The following STMN4 variants were observed in gnomAD, a reference collection of about 807,000 sequenced individuals.
STMN4 encodes the protein stathmin-4.
STMN4 carries 12 observed loss-of-function variants against 29.1 expected under a neutral mutation model. That is an observed-to-expected ratio of 0.41 (90% CI 0.26 to 0.67). STMN4 has a LOEUF of 0.67. STMN4 is among the 30% of genes least tolerant of loss of function. STMN4 has a pLI of 0.30. For missense variants in STMN4, 181 were observed against 262.8 expected, an observed-to-expected ratio of 0.69 and a Z score of 2.15; for synonymous variants, 114 against 105.3, an observed-to-expected ratio of 1.08 and a Z score of -0.51.
At chr8:27,241,604 A>T in intron 4 of STMN4, 73 bp downstream of exon 4, 3 of 1,559,020 alleles carry the variant, frequency 1.9e-6, no homozygotes, top group Non-Finnish European at 2.6e-6. Flanking sequence ...GGTGCGTTTC[A>T]GCCCCCGCCC....
chr8:27,248,277 C>T (rs887295747), intron 1 of STMN4, among the ~76,000 whole-genome samples: 2 of 152,236 alleles, frequency 1.3e-5, no homozygotes, highest in Middle Eastern at 3.4e-3. Flanking sequence ...TCTGCTAGAT[C>T]TTCAGATGGC....
At chr8:27,242,608 C>A in intron 2 of STMN4, 116 bp from the exon 3 acceptor site, 1 of 926,676 alleles carries the variant, frequency 1.1e-6, no homozygotes, top group Non-Finnish European at 1.7e-6. Flanking sequence ...TCAAACCACG[C>A]AGGCACACGC....
chr8:27,239,517 A>G, intron 6 of STMN4: 1 of 706,158 alleles, frequency 1.4e-6, no homozygotes, highest in Non-Finnish European at 2.3e-6. Flanking sequence ...CAAGAGGTTT[A>G]GAGAGAATCA....
At chr8:27,253,652 T>C (rs568585296) in intron 1 of STMN4, among the ~76,000 whole-genome samples, 5 of 152,352 alleles carry the variant, frequency 3.3e-5, no homozygotes, top group Admixed American at 6.5e-5. Flanking sequence ...AACTAGACAA[T>C]GGCTCTAAAT....
intron 6 of STMN4, chr8:27,239,647 C>A (rs1379529975): frequency 2.9e-6 from 4 of 1,365,092 alleles, no homozygotes; most frequent in Non-Finnish European, 3.9e-6. Flanking sequence ...GGAATGCATA[C>A]CTGCTTGTCT....
At chr8:27,237,299 T>C (rs1261423669) in intron 6 of STMN4, among the ~76,000 whole-genome samples, 1 of 152,244 alleles carries the variant, frequency 6.6e-6, no homozygotes, top group Non-Finnish European at 1.5e-5. Flanking sequence ...CAGGCCTCAC[T>C]ACAAGCATCC....
At chr8:27,239,691 T>C in intron 6 of STMN4, 1 of 1,439,404 alleles carries the variant, frequency 6.9e-7, no homozygotes, top group South Asian at 1.5e-5. Flanking sequence ...AGGCTTCTTC[T>C]AGAAAATCAG....
At chr8:27,244,582 G>T (rs771341257) in intron 1 of STMN4, among the ~76,000 whole-genome samples, 1 of 152,088 alleles carries the variant, frequency 6.6e-6, no homozygotes, top group Non-Finnish European at 1.5e-5. Flanking sequence ...CCCTGGTGTC[G>T]GTAGCACCTG....
At chr8:27,237,575 T>C (rs1416384677) in intron 6 of STMN4, among the ~76,000 whole-genome samples, 3 of 152,134 alleles carry the variant, frequency 2.0e-5, no homozygotes, top group Non-Finnish European at 4.4e-5. Flanking sequence ...AAAGTGCAAA[T>C]CGACAGAAGA....
Position 27,241,280 on chromosome 8 carries a change from G to A in STMN4, c.191-18C>T. On this transcript the variant is annotated intron_variant, in intron 4 of 6. Transcript: ENST00000350889. ...CGTGTCTGCTACAGAGGGCAGAGAA[G>A]GGGCTGCTCACGTCCTGAAGAATGC... 3 of 1,614,028 alleles carry A rather than the reference G, an allele frequency of 1.9e-6. No individual in the cohort carries two copies. Among genetic ancestry groups the A allele is most frequent in the Non-Finnish European group, 2.5e-6 (3 of 1,180,016 alleles).
At position 27,236,822 on chromosome 8, in the gene STMN4, G is replaced by C; in HGVS notation, c.*24C>G. 1 of 1,586,806 alleles carries C rather than the reference G, an allele frequency of 6.3e-7. No homozygotes were observed. The highest frequency in any genetic ancestry group is 8.6e-7 in the Non-Finnish European group (1 of 1,168,484). Reference sequence around the variant, plus strand: ...GCTGCTGGAGCTGTCCGGCTGACCTGGAAAGTTCTTTGGCCTCTAGGCTTT... The same window carrying C: ...GCTGCTGGAGCTGTCCGGCTGACCTCGAAAGTTCTTTGGCCTCTAGGCTTT... On this transcript the variant is annotated 3_prime_UTR_variant, in exon 7 of 7. Transcript: ENST00000350889.
At chr8:27,246,423 C>T (rs530757711) in intron 1 of STMN4, among the ~76,000 whole-genome samples, 2 of 152,276 alleles carry the variant, frequency 1.3e-5, no homozygotes, top group South Asian at 4.2e-4. Context: ...GAATTACTAT[C>T]CCCATTTTAT....
intron 4 of STMN4, among the ~76,000 whole-genome samples, 183 bp downstream of exon 4, chr8:27,241,494 T>C (rs1199973039): frequency 3.9e-5 from 6 of 152,144 alleles, no homozygotes; most frequent in African/African-American, 1.4e-4. Flanking sequence ...CCCCAGGCAA[T>C]GTGATTTCCT....
At chr8:27,257,276 C>T (rs1801967909) in intron 1 of STMN4, among the ~76,000 whole-genome samples, 1 of 152,134 alleles carries the variant, frequency 6.6e-6, no homozygotes, top group African/African-American at 2.4e-5. Context: ...GGCTCAGCCT[C>T]AGGTGGAGAC....
At chr8:27,257,748 T>G (rs1037721742) in intron 1 of STMN4, among the ~76,000 whole-genome samples, 7 of 151,870 alleles carry the variant, frequency 4.6e-5, no homozygotes, top group African/African-American at 1.7e-4. Context: ...GTTCTGGGTG[T>G]CTGCAGTTTT....
chr8:27,248,116 T>C (rs1388417068), intron 1 of STMN4, among the ~76,000 whole-genome samples: 3 of 152,330 alleles, frequency 2.0e-5, no homozygotes, highest in South Asian at 2.1e-4. Flanking sequence ...CAAGCACTTC[T>C]GATGGACACA....
chr8:27,249,706 T>C (rs1459077522), intron 1 of STMN4, among the ~76,000 whole-genome samples: 2 of 152,286 alleles, frequency 1.3e-5, no homozygotes, highest in East Asian at 3.9e-4. Context: ...GGCACTTTCA[T>C]GCAACCCACA....
Position 27,244,538 on chromosome 8 carries a change from AC to A in STMN4, c.-78-738del, listed in dbSNP as rs762459440. On this transcript the variant is annotated intron_variant, in intron 1 of 6. Transcript: ENST00000350889. ...GTGGGACACAGAAATAGGGCTCCAC[AC>A]CCCCAGCATTTGCCAGGGAGCCTGG... Among the ~76,000 whole-genome samples the A allele has an allele frequency of 5.5e-4, 83 of 152,054 alleles. 2 individuals carry two copies. Among genetic ancestry groups the A allele is most frequent in the Admixed American group, 5.9e-4 (9 of 15,270 alleles).
chr8:27,248,197 G>T (rs1801683547), intron 1 of STMN4, among the ~76,000 whole-genome samples: 1 of 152,186 alleles, frequency 6.6e-6, no homozygotes, highest in Admixed American at 6.5e-5. Context: ...TGATCCAGTG[G>T]AGCAGGTAGA....
Sources: allele counts gnomAD v4.1 joint callset (sites outside exome capture counted in the v4.1 genomes callset), GRCh38; gene constraint gnomAD v4.1.1; transcripts MANE v1.5; gene names NCBI Gene and HGNC (gene_info 2026-07-23, HGNC 2026-07-21).